PCDHA3: variants seen among roughly 807,000 people sequenced by gnomAD.
The protein encoded by PCDHA3 is protocadherin alpha-3.
In PCDHA3, 41 loss-of-function variants were observed where a neutral mutation model predicts 62.2. That is an observed-to-expected ratio of 0.66 (90% CI 0.51 to 0.86). The LOEUF is 0.86. Ranked by LOEUF, PCDHA3 falls within the 40% of genes least tolerant of loss-of-function variation. The pLI, the probability that PCDHA3 is intolerant of heterozygous loss-of-function variation, is 0.00. For synonymous variants in PCDHA3, 640 were observed against 555.4 expected (o/e 1.15, Z -2.14); for missense variants, 1,304 against 1,241.2 (o/e 1.05, Z -0.76).
intron 1 of PCDHA3, chr5:140,868,353 A>T (rs1303376076): frequency 6.6e-6 from 1 of 152,174 alleles, no homozygotes; most frequent in Non-Finnish European, 1.5e-5. Flanking sequence ...ATCAGAAAGC[A>T]ATTAAATGTA....
At chr5:140,992,295 A>G (rs2097504334) in intron 3 of PCDHA3, among the ~76,000 whole-genome samples, 1 of 152,134 alleles carries the variant, frequency 6.6e-6, no homozygotes, top group African/African-American at 2.4e-5. Flanking sequence ...AAAGGATGGG[A>G]GTATTGTTTT....
At chr5:140,809,536 A>G (rs782052036) in intron 1 of PCDHA3, 1 of 1,613,706 alleles carries the variant, frequency 6.2e-7, no homozygotes, top group Non-Finnish European at 8.5e-7. Context: ...GGGACAGAGA[A>G]GATCAGCTGC....
intron 1 of PCDHA3, among the ~76,000 whole-genome samples, chr5:140,893,358 C>A (rs1385049897): frequency 2.0e-5 from 3 of 152,134 alleles, no homozygotes; most frequent in Admixed American, 6.5e-5. Context: ...AATTTACATG[C>A]CCACCAACAG....
intron 1 of PCDHA3, chr5:140,851,907 T>A: frequency 3.1e-6 from 3 of 970,432 alleles, no homozygotes; most frequent in Non-Finnish European, 2.5e-6. Flanking sequence ...CTCTTTAATG[T>A]CACTACATGT....
chr5:140,928,288 C>CA (rs1554205700), intron 1 of PCDHA3: 1 of 1,614,156 alleles, frequency 6.2e-7, no homozygotes, highest in East Asian at 2.2e-5. Flanking sequence ...CTCTCTAGGC[C>CA]GAGTGTTTGC....
At chr5:140,812,222 T>G (rs1554125926) in intron 1 of PCDHA3, 1 of 152,036 alleles carries the variant, frequency 6.6e-6, no homozygotes, top group Non-Finnish European at 1.5e-5. Flanking sequence ...TTTAGATTTT[T>G]TATGATTATG....
chr5:141,001,792 T>C (rs1442216091), intron 3 of PCDHA3, among the ~76,000 whole-genome samples: 3 of 152,192 alleles, frequency 2.0e-5, no homozygotes, highest in African/African-American at 7.2e-5. Context: ...AGCCTGAGTA[T>C]ATACTATCAT....
chr5:140,833,965 GA>G (rs2150212449), intron 1 of PCDHA3, among the ~76,000 whole-genome samples: 47 of 152,008 alleles, frequency 3.1e-4, no homozygotes, highest in South Asian at 4.2e-4. Context: ...AAAACTGTGT[GA>G]AAAAAAAGTT....
At chr5:140,979,408 GT>G (rs558051720) in intron 2 of PCDHA3, among the ~76,000 whole-genome samples, 17 of 147,706 alleles carry the variant, frequency 1.2e-4, no homozygotes, top group East Asian at 4.0e-4. Flanking sequence ...TGTCTACCTT[GT>G]TTTTTTTTTA....
At chr5:140,805,360 G>T (rs1264895208) in intron 1 of PCDHA3, 10 of 1,180,340 alleles carry the variant, frequency 8.5e-6, no homozygotes, top group African/African-American at 1.6e-5. Context: ...ATATAGTTTG[G>T]GTCCCCACAT....
chr5:140,839,348 C>T (rs1169495431), intron 1 of PCDHA3, among the ~76,000 whole-genome samples: 2 of 148,576 alleles, frequency 1.3e-5, no homozygotes, highest in African/African-American at 2.5e-5. Flanking sequence ...AGGGGATCCT[C>T]CTTAGCCACC....
intron 1 of PCDHA3, chr5:140,835,708 C>T (rs182652510): frequency 1.8e-5 from 29 of 1,613,660 alleles, no homozygotes; most frequent in Middle Eastern, 1.7e-4. Context: ...GCTAGCGTGT[C>T]CGTGGAGGTG....
intron 1 of PCDHA3, chr5:140,859,181 G>A (rs1006816858): frequency 6.7e-6 from 1 of 149,700 alleles, no homozygotes; most frequent in Admixed American, 6.7e-5. Context: ...ATCAGCATTA[G>A]GCATTGCTTA....
At chr5:140,912,690 A>AG (rs2076029112) in intron 1 of PCDHA3, among the ~76,000 whole-genome samples, 1 of 152,192 alleles carries the variant, frequency 6.6e-6, no homozygotes, top group African/African-American at 2.4e-5. Flanking sequence ...TCCAGGTCTC[A>AG]GGGGGAATGC....
chr5:140,919,649 T>G (rs1252944920), intron 1 of PCDHA3, among the ~76,000 whole-genome samples: 1 of 152,202 alleles, frequency 6.6e-6, no homozygotes, highest in Non-Finnish European at 1.5e-5. Flanking sequence ...TTCTCTAGAG[T>G]TTACCATATA....
At chr5:140,861,527 G>A (rs1554154863) in intron 1 of PCDHA3, 2 of 454,914 alleles carry the variant, frequency 4.4e-6, no homozygotes. Flanking sequence ...GGAGGATCTC[G>A]GAGTGCAGCA....
intron 1 of PCDHA3, chr5:140,851,576 G>C: frequency 1.1e-6 from 1 of 913,534 alleles, no homozygotes; most frequent in Non-Finnish European, 1.3e-6. Context: ...TCTACACTTA[G>C]AACATTTTTT....
chr5:140,858,417 G>A, intron 1 of PCDHA3: 1 of 1,560,448 alleles, frequency 6.4e-7, no homozygotes, highest in Non-Finnish European at 8.7e-7. Context: ...CAGTCTATTG[G>A]AGGGGACCAC....
chr5:140,981,969 T>C (rs1438723039), intron 2 of PCDHA3, among the ~76,000 whole-genome samples: 1 of 152,146 alleles, frequency 6.6e-6, no homozygotes, highest in African/African-American at 2.4e-5. Context: ...ATAAAAGATA[T>C]AGAAAGAGTA....
Sources: gnomAD v4.1 joint callset for allele counts (sites outside exome capture counted in the v4.1 genomes callset) on GRCh38, gnomAD v4.1.1 for gene constraint, MANE v1.5 for transcripts, NCBI Gene and HGNC (gene_info 2026-07-23, HGNC 2026-07-21) for gene names.